The following LRRC20 variants were observed in gnomAD, a reference collection of about 807,000 sequenced individuals.
LRRC20 encodes the protein leucine rich repeat containing 20.
A neutral mutation model predicts 14.4 loss-of-function variants in LRRC20; 11 were observed. The ratio of observed to expected loss-of-function variants is 0.77; its 90% CI spans 0.48 to 1.27. LRRC20 has a LOEUF of 1.27. Among genes scored for constraint, LRRC20 ranks in the 50% most tolerant of loss-of-function variants. The probability of loss-of-function intolerance (pLI) is 0.00; values close to 1 mark genes in which losing one functional copy is unlikely to be tolerated. For missense variants in LRRC20, 219 were observed against 251.2 expected (o/e 0.87, Z 0.87); for synonymous variants, 121 against 107.3 (o/e 1.13, Z -0.79).
intron 4 of LRRC20, among the ~76,000 whole-genome samples, chr10:70,318,241 C>T (rs566745442): frequency 3.2e-4 from 48 of 152,274 alleles, no homozygotes; most frequent in Middle Eastern, 6.8e-3. Context: ...GCAGGTATTA[C>T]GACAGACTGC....
At chr10:70,376,315 C>T in intron 2 of LRRC20, 137 bp downstream of exon 2, 1 of 847,848 alleles carries the variant, frequency 1.2e-6, no homozygotes, top group East Asian at 2.5e-5. Context: ...CACACTGTTG[C>T]AATGAAAGTT....
At chr10:70,330,661 G>A (rs138885799) in intron 3 of LRRC20, among the ~76,000 whole-genome samples, 145 of 152,320 alleles carry the variant, frequency 9.5e-4, no homozygotes, top group African/African-American at 3.4e-3. Flanking sequence ...CCTTGAATTA[G>A]ACAGAATGGG....
chr10:70,379,478 C>T (rs530618275), intron 1 of LRRC20, among the ~76,000 whole-genome samples: 1 of 152,356 alleles, frequency 6.6e-6, no homozygotes, highest in African/African-American at 2.4e-5. Flanking sequence ...CATGCTCCCT[C>T]CTTTCTCCAT....
At position 70,340,546 on chromosome 10, in the gene LRRC20, G is replaced by A. The variant is rs1423295315; in HGVS notation, c.232+7C>T. 6.2e-7 allele frequency: 1 copy of A among 1,613,984 alleles called. No homozygotes were observed. Among genetic ancestry groups the A allele is most frequent in the Non-Finnish European group, 8.5e-7 (1 of 1,179,976 alleles). ...TGCCCTCCTGGCTGGAGCTGACCAG[G>A]GCCTACCTCGGAGCTGACTGAATGT... On this transcript the variant is annotated splice_region_variant and intron_variant, in intron 3 of 4. Transcript: ENST00000446961.
At position 70,348,574 on chromosome 10, in the gene LRRC20, G is replaced by A. The variant is rs532990562; in HGVS notation, c.83-7872C>T. Among the ~76,000 whole-genome samples, 31 of 152,308 alleles carry A rather than the reference G, an allele frequency of 2.0e-4. No individual in the cohort carries two copies. In the South Asian group the frequency reaches 2.7e-3, roughly 13 times the overall value. On this transcript the variant is annotated intron_variant, in intron 2 of 4. Coordinates refer to ENST00000446961, the MANE Select transcript of LRRC20 (RefSeq NM_001278212.2). ...AGGTCATATAGCTAGAAGTGAGGAC[G>A]GGGAGATTTGGATCCAGGTTAGGTG...
At chr10:70,351,613 A>G (rs541519714) in intron 2 of LRRC20, among the ~76,000 whole-genome samples, 57 of 152,240 alleles carry the variant, frequency 3.7e-4, no homozygotes, top group Non-Finnish European at 6.5e-4. Flanking sequence ...TAAAATACAC[A>G]TAACAAAAAT....
At position 70,352,411 on chromosome 10, in the gene LRRC20, T is replaced by TA. The variant is rs367847102; in HGVS notation, c.83-11710dup. ...AATAAATCCTCCTTTTAAAAACTGC[T>TA]AAAAAAAATGTAGCATTTTATCAGT... On this transcript the variant is annotated intron_variant, in intron 2 of 4. Transcript: ENST00000446961. 2.0e-3 allele frequency among the ~76,000 whole-genome samples: 301 copies of TA among 152,038 alleles called. 1 individual carries two copies. Among genetic ancestry groups the TA allele is most frequent in the Non-Finnish European group, 1.8e-3 (120 of 67,952 alleles).
chr10:70,335,366 G>A (rs1842692456), intron 3 of LRRC20, among the ~76,000 whole-genome samples: 1 of 152,168 alleles, frequency 6.6e-6, no homozygotes, highest in South Asian at 2.1e-4. Flanking sequence ...CTGGCCGACT[G>A]GAGCAACCCA....
intron 4 of LRRC20, among the ~76,000 whole-genome samples, chr10:70,318,755 AAG>A (rs1240129916): frequency 4.6e-4 from 43 of 92,504 alleles, no homozygotes; most frequent in Non-Finnish European, 9.6e-4. Context: ...CCCCATCTCA[AAG>A]AAAAAAAAAA....
chr10:70,359,431 G>A (rs180738824), intron 2 of LRRC20, among the ~76,000 whole-genome samples: 3 of 152,182 alleles, frequency 2.0e-5, no homozygotes, highest in Admixed American at 6.5e-5. Context: ...GCATGCACCT[G>A]TGGGCCCAGC....
intron 1 of LRRC20, among the ~76,000 whole-genome samples, chr10:70,377,538 C>T (rs928800150): frequency 3.3e-5 from 5 of 152,046 alleles, no homozygotes; most frequent in Admixed American, 1.3e-4. Context: ...TAGCAGCACC[C>T]CATAGAGAGA....
chr10:70,367,348 G>GGAAGAAAAGA (rs1844052622), intron 2 of LRRC20, among the ~76,000 whole-genome samples: 1 of 137,496 alleles, frequency 7.3e-6, no homozygotes, highest in Non-Finnish European at 1.6e-5. Context: ...AAAAAAGAAA[G>GGAAGAAAAGA]AAAAGAAAAA....
chr10:70,344,551 C>A (rs530649092), intron 2 of LRRC20, among the ~76,000 whole-genome samples: 2 of 152,094 alleles, frequency 1.3e-5, no homozygotes, highest in East Asian at 3.9e-4. Flanking sequence ...GAAAAGTTCA[C>A]AAAGATATTT....
chr10:70,329,806 C>A (rs1251144534), intron 3 of LRRC20, among the ~76,000 whole-genome samples: 4 of 152,162 alleles, frequency 2.6e-5, no homozygotes, highest in Non-Finnish European at 5.9e-5. Context: ...CTCAGGCAAT[C>A]CACCAACCTC....
At chr10:70,365,846 G>A (rs190539322) in intron 2 of LRRC20, among the ~76,000 whole-genome samples, 2,777 of 151,730 alleles carry the variant, frequency 0.018, 130 homozygotes, top group Non-Finnish European at 0.016. Context: ...CGAGGCGGGC[G>A]GATCACGAGG....
chr10:70,300,271 G>T lies in LRRC20; in HGVS notation c.*1083C>A. On this transcript the variant is annotated 3_prime_UTR_variant, in exon 5 of 5. Transcript: ENST00000446961. ...GGTAGGGGACCAACCATCCCCACTT[G>T]CTGGGTACTGTCCCAGTTTTAGCAT... 2 of 791,108 alleles carry T rather than the reference G, an allele frequency of 2.5e-6. No individual in the cohort carries two copies. The highest frequency in any genetic ancestry group is 1.5e-6 in the Non-Finnish European group (1 of 652,534). 49.0% of individuals were successfully genotyped at this position (791,108 alleles called of 1,614,324 possible).
chr10:70,308,964 T>C (rs747951321), intron 4 of LRRC20, among the ~76,000 whole-genome samples: 2 of 152,120 alleles, frequency 1.3e-5, no homozygotes, highest in Non-Finnish European at 2.9e-5. Flanking sequence ...CTGCCTATGG[T>C]AGTTCTTGAG....
At chr10:70,311,222 AT>A (rs11314061) in intron 4 of LRRC20, among the ~76,000 whole-genome samples, 25,085 of 86,372 alleles carry the variant, frequency 0.29, 1,997 homozygotes, top group Middle Eastern at 0.4. Context: ...TCAACATTCC[AT>A]TTTTTTTTTT....
chr10:70,313,468 G>A (rs1249395234), intron 4 of LRRC20, among the ~76,000 whole-genome samples: 1 of 152,064 alleles, frequency 6.6e-6, no homozygotes, highest in East Asian at 1.9e-4. Flanking sequence ...TTTGCACACT[G>A]GAATCATCTG....
Sources: allele counts gnomAD v4.1 joint callset (sites outside exome capture counted in the v4.1 genomes callset), GRCh38; gene constraint gnomAD v4.1.1; transcripts MANE v1.5; gene names NCBI Gene and HGNC (gene_info 2026-07-23, HGNC 2026-07-21).